PCDH10: variants seen among roughly 807,000 people sequenced by gnomAD.
The protein encoded by PCDH10 is protocadherin 10.
A neutral mutation model predicts 74.4 loss-of-function variants in PCDH10; 15 were observed. The observed-to-expected ratio is 0.20, with a 90% confidence interval of 0.13 to 0.31. The LOEUF (loss-of-function observed/expected upper bound fraction) is 0.31, where lower values mean the gene tolerates loss of function less well. PCDH10 is among the 10% of genes least tolerant of loss of function. The pLI, the probability that PCDH10 is intolerant of heterozygous loss-of-function variation, is 1.00. For missense variants in PCDH10, 1,260 were observed against 1,390.2 expected, an observed-to-expected ratio of 0.91 and a Z score of 1.49; for synonymous variants, 619 against 589.8, an observed-to-expected ratio of 1.05 and a Z score of -0.72.
chr4:133,179,470 T>C (rs1578571942), intron 4 of PCDH10, among the ~76,000 whole-genome samples: 3 of 152,302 alleles, frequency 2.0e-5, no homozygotes, highest in East Asian at 3.9e-4. Flanking sequence ...AGCTTCTTCA[T>C]AGATACTTTT....
At chr4:133,160,569 G>GT (rs1413499593) in intron 3 of PCDH10, among the ~76,000 whole-genome samples, 2 of 150,600 alleles carry the variant, frequency 1.3e-5, no homozygotes, top group Non-Finnish European at 3.0e-5. Flanking sequence ...GCACATTGGA[G>GT]TAAAAACTAC....
intron 1 of PCDH10, 24 bp downstream of exon 1, chr4:133,152,795 CCATCTCT>C: frequency 6.2e-7 from 1 of 1,613,812 alleles, no homozygotes; most frequent in Non-Finnish European, 8.5e-7. Flanking sequence ...GAAAGGACCA[CCATCTCT>C]CATCTCCTCC....
chr4:133,200,370 T>C (rs937905856), intron 2 of PCDH10, among the ~76,000 whole-genome samples: 2 of 151,992 alleles, frequency 1.3e-5, no homozygotes, highest in African/African-American at 4.8e-5. Flanking sequence ...GCATTTTTTT[T>C]CTTTTTTTTT....
chr4:133,165,992 A>G (rs2125864575), intron 4 of PCDH10, among the ~76,000 whole-genome samples: 1 of 151,894 alleles, frequency 6.6e-6, no homozygotes, highest in South Asian at 2.1e-4. Flanking sequence ...CAAAAGACCC[A>G]TGAAGAGTAT....
chr4:133,201,678 G>A (rs1412422222), intron 2 of PCDH10, among the ~76,000 whole-genome samples: 1 of 151,936 alleles, frequency 6.6e-6, no homozygotes, highest in Non-Finnish European at 1.5e-5. Context: ...CCAACACAGA[G>A]AAACCCCGTC....
rs1191298560 is a variant in PCDH10 at position 133,191,247 on chromosome 4, A to G, written c.*1087A>G. On this transcript the variant is annotated 3_prime_UTR_variant, in exon 5 of 5. Transcript: ENST00000264360. ...TTACTATTTTAAGAAGTCATCAGTC[A>G]TATCACTCACACAGAATTTTATTTT... 2.0e-5 allele frequency: 3 copies of G among 152,306 alleles called. No individual in the cohort carries two copies. Among genetic ancestry groups the G allele is most frequent in the East Asian group, 1.9e-4 (1 of 5,196 alleles). 9.4% of individuals were successfully genotyped at this position (152,306 alleles called of 1,614,324 possible). A position where few individuals can be genotyped will look rare whatever the true frequency, so the allele number is the denominator to read the frequency against.
chr4:133,182,636 G>T (rs1183925058), intron 4 of PCDH10, among the ~76,000 whole-genome samples: 4 of 152,006 alleles, frequency 2.6e-5, no homozygotes, highest in African/African-American at 4.8e-5. Flanking sequence ...TTATAAACAT[G>T]CAGAGAAAGA....
intron 4 of PCDH10, among the ~76,000 whole-genome samples, chr4:133,183,185 T>C (rs775806834): frequency 1.6e-4 from 25 of 152,036 alleles, no homozygotes; most frequent in Non-Finnish European, 3.2e-4. Flanking sequence ...ATTAGAAGTA[T>C]TATTAAATCA....
intron 2 of PCDH10, among the ~76,000 whole-genome samples, chr4:133,203,818 G>GA (rs1306737697): frequency 5.3e-5 from 8 of 152,164 alleles, no homozygotes; most frequent in African/African-American, 1.9e-4. Flanking sequence ...TCCACCTGTG[G>GA]ACAGCTATCT....
rs1466682223 is a variant in PCDH10 at position 133,150,832 on chromosome 4, C to T, written c.692C>T (p.Thr231Ile). ...GGCCTGCCCCCCCAGCAGCAGCGCACCGGCACGGCCCTACTCACCATCCGA... is the reference window on the plus strand; with the variant it reads ...GGCCTGCCCCCCCAGCAGCAGCGCATCGGCACGGCCCTACTCACCATCCGA... The part of the protein sequence containing the change: ...GAGLPPQQQR[T>I]GTALLTIRVL... The change falls in exon 1 of 5, where the codon ACC becomes ATC. Residue 231 changes from threonine to isoleucine, a missense_variant. By Grantham distance (89) the Thr-to-Ile change is moderately conservative. Transcript: ENST00000264360. 1 of 1,592,124 alleles carries T rather than the reference C, an allele frequency of 6.3e-7. No homozygotes were observed. Among genetic ancestry groups the T allele is most frequent in the Non-Finnish European group, 8.5e-7 (1 of 1,170,536 alleles).
intron 4 of PCDH10, among the ~76,000 whole-genome samples, chr4:133,171,550 A>G (rs1430782070): frequency 2.0e-5 from 3 of 152,254 alleles, no homozygotes; most frequent in Admixed American, 2.0e-4. Context: ...GAAAGTTCTG[A>G]GTCAACAATG....
chr4:133,205,031 A>G (rs1000715032), intron 2 of PCDH10, among the ~76,000 whole-genome samples: 9 of 152,170 alleles, frequency 5.9e-5, no homozygotes, highest in African/African-American at 1.9e-4. Context: ...TCCCTGTGTT[A>G]GCAGGGAACT....
chr4:133,169,257 A>G (rs557840798), intron 4 of PCDH10, among the ~76,000 whole-genome samples: 1 of 151,548 alleles, frequency 6.6e-6, no homozygotes, highest in African/African-American at 2.4e-5. Flanking sequence ...TTTTTTCTTT[A>G]TTTAATTCCT....
intron 4 of PCDH10, among the ~76,000 whole-genome samples, chr4:133,164,439 G>A (rs1283007862): frequency 1.3e-5 from 2 of 151,924 alleles, no homozygotes; most frequent in African/African-American, 4.8e-5. Context: ...TTTAACTACT[G>A]TTTCACTTAA....
chr4:133,163,898 G>A (rs758834924), intron 4 of PCDH10: 10 of 440,980 alleles, frequency 2.3e-5, no homozygotes, highest in South Asian at 1.3e-4. Flanking sequence ...AAAAAACAGA[G>A]GAATATTTAT....
In PCDH10 at chr4:133,193,423, G is replaced by A. The variant is rs1458416488; in HGVS notation, c.*3263G>A. Reference sequence around the variant, plus strand: ...TTTCTCATTGTTTTATTTGTTAATTGGATTGTAATTTGCCATCAGATTCTC... The same window carrying A: ...TTTCTCATTGTTTTATTTGTTAATTAGATTGTAATTTGCCATCAGATTCTC... On this transcript the variant is annotated 3_prime_UTR_variant, in exon 5 of 5. Transcript: ENST00000264360. 1 of 151,382 alleles carries A rather than the reference G, an allele frequency of 6.6e-6. No homozygotes were observed. The highest frequency in any genetic ancestry group is 1.5e-5 in the Non-Finnish European group (1 of 67,584). The allele number at this position is 151,382 out of a possible 1,614,324, so 9.4% of individuals were successfully genotyped here. A position where few individuals can be genotyped will look rare whatever the true frequency, so the allele number is the denominator to read the frequency against.
In PCDH10 at chr4:133,192,834, G is replaced by T. The variant is rs1223732313; in HGVS notation, c.*2674G>T. The T allele has an allele frequency of 6.6e-6, 1 of 151,464 alleles. No individual in the cohort carries two copies. Among genetic ancestry groups the T allele is most frequent in the Non-Finnish European group, 1.5e-5 (1 of 67,592 alleles). The allele number at this position is 151,464 out of a possible 1,614,324, so 9.4% of individuals were successfully genotyped here. A position where few individuals can be genotyped will look rare whatever the true frequency, so the allele number is the denominator to read the frequency against. ...CTTCCAATGAGGGGGACTATAAAAT[G>T]GAAAGTGCAACCAACAAATAATGAA... On this transcript the variant is annotated 3_prime_UTR_variant, in exon 5 of 5. Transcript: ENST00000264360.
chr4:133,160,598 A>C (rs1229323666), intron 3 of PCDH10, among the ~76,000 whole-genome samples: 2 of 150,636 alleles, frequency 1.3e-5, no homozygotes, highest in East Asian at 3.9e-4. Flanking sequence ...AATTTCTACC[A>C]AAATCAAGCA....
chr4:133,184,712 T>C (rs977725214), intron 4 of PCDH10, among the ~76,000 whole-genome samples: 2 of 145,222 alleles, frequency 1.4e-5, no homozygotes, highest in Non-Finnish European at 3.0e-5. Flanking sequence ...TATATATTTA[T>C]ATTTGTTTAC....
Sources: allele counts gnomAD v4.1 joint callset (sites outside exome capture counted in the v4.1 genomes callset), GRCh38; gene constraint gnomAD v4.1.1; transcripts MANE v1.5; gene names NCBI Gene and HGNC (gene_info 2026-07-23, HGNC 2026-07-21).